PKP2: variants seen among roughly 807,000 people sequenced by gnomAD.
PKP2 encodes plakophilin 2, also known as plakophilin-2.
Under a neutral mutation model 83.4 loss-of-function variants are expected in PKP2, and 73 were observed. The ratio of observed to expected loss-of-function variants is 0.88; its 90% CI spans 0.72 to 1.06. The LOEUF is 1.06. Ranked by LOEUF, PKP2 falls within the 50% of genes least tolerant of loss-of-function variation. The pLI is 0.00. For missense variants in PKP2, 966 were observed against 1,065.4 expected, an observed-to-expected ratio of 0.91 and a Z score of 1.30; for synonymous variants, 409 against 430.4, an observed-to-expected ratio of 0.95 and a Z score of 0.62.
intron 10 of PKP2, among the ~76,000 whole-genome samples, chr12:32,802,195 G>A (rs1479433795): frequency 1.3e-5 from 2 of 148,398 alleles, no homozygotes; most frequent in African/African-American, 5.0e-5. Context: ...TTTTTTAAAT[G>A]TTGGATATTT....
At chr12:32,830,480 T>C (rs967711545) in intron 6 of PKP2, among the ~76,000 whole-genome samples, 2 of 151,876 alleles carry the variant, frequency 1.3e-5, no homozygotes, top group African/African-American at 4.8e-5. Flanking sequence ...CATTGGGAGG[T>C]AGAACAAGGC....
chr12:32,828,802 G>C (rs768229959), intron 6 of PKP2, among the ~76,000 whole-genome samples: 1 of 152,186 alleles, frequency 6.6e-6, no homozygotes, highest in Non-Finnish European at 1.5e-5. Flanking sequence ...AGCTGAAGGA[G>C]ATGGTTAAAG....
At chr12:32,854,126 C>T (rs1287603373) in intron 4 of PKP2, among the ~76,000 whole-genome samples, 1 of 152,106 alleles carries the variant, frequency 6.6e-6, no homozygotes, top group East Asian at 1.9e-4. Flanking sequence ...TTATAAGTTG[C>T]TTTCTTCAAA....
chr12:32,828,016 C>T (rs1255576436), intron 6 of PKP2, among the ~76,000 whole-genome samples: 5 of 152,194 alleles, frequency 3.3e-5, no homozygotes, highest in Non-Finnish European at 7.3e-5. Context: ...AGGAAGGAGA[C>T]AAATTACTCT....
chr12:32,895,482 A>G (rs1957114218), intron 1 of PKP2, among the ~76,000 whole-genome samples: 1 of 152,226 alleles, frequency 6.6e-6, no homozygotes, highest in Non-Finnish European at 1.5e-5. Flanking sequence ...TCATACAGAA[A>G]CAACTGAACG....
In PKP2 at chr12:32,892,822, G is replaced by GGC. The variant is rs1555149540; in HGVS notation, c.223+3686_223+3687insGC. 3.2e-5 allele frequency among the ~76,000 whole-genome samples: 4 copies of GGC among 125,158 alleles called. 1 individual carries two copies. The highest frequency in any genetic ancestry group is 5.3e-5 in the Non-Finnish European group (3 of 56,316). 82.1% of individuals were successfully genotyped at this position (125,158 alleles called of 152,430 possible). On this transcript the variant is annotated intron_variant, in intron 1 of 12. Transcript: ENST00000340811. ...CTCAGATACCTGGGGTGGGGGCGGG[G>GGC]GGGGGGGGAGAACTGTGTAGCAAGT...
Position 32,792,377 on chromosome 12 carries a change from G to T in PKP2, c.*47C>A. ...TGGGCTGGGTAGTAGAAAAATAGGT[G>T]TTTTCCTTTGGGGATTTTTGCAGCC... is the stretch of plus-strand genomic sequence containing the variant. On this transcript the variant is annotated 3_prime_UTR_variant, in exon 13 of 13. Coordinates refer to ENST00000340811, the MANE Select transcript of PKP2 (RefSeq NM_001005242.3). 1 of 1,417,034 alleles carries T rather than the reference G, an allele frequency of 7.1e-7. No homozygotes were observed. Among genetic ancestry groups the T allele is most frequent in the Non-Finnish European group, 1.0e-6 (1 of 1,000,182 alleles). The allele number at this position is 1,417,034 out of a possible 1,614,324, so 87.8% of individuals were successfully genotyped here.
At chr12:32,825,840 C>A (rs1025000956) in intron 6 of PKP2, among the ~76,000 whole-genome samples, 1 of 152,086 alleles carries the variant, frequency 6.6e-6, no homozygotes, top group Non-Finnish European at 1.5e-5. Flanking sequence ...GAGGTTGAGG[C>A]TGCAGTGAGC....
chr12:32,826,230 C>T (rs1000110100), intron 6 of PKP2, among the ~76,000 whole-genome samples: 5 of 145,082 alleles, frequency 3.4e-5, no homozygotes, highest in Non-Finnish European at 7.5e-5. Flanking sequence ...GGTGTGAACT[C>T]GGAAGGTGGA....
chr12:32,839,347 G>A (rs1050370937), intron 6 of PKP2, among the ~76,000 whole-genome samples: 3 of 149,660 alleles, frequency 2.0e-5, no homozygotes, highest in Non-Finnish European at 4.4e-5. Flanking sequence ...CCTGTGATTG[G>A]CACAATCATT....
intron 1 of PKP2, among the ~76,000 whole-genome samples, chr12:32,885,971 A>G (rs1253053046): frequency 6.6e-6 from 1 of 152,208 alleles, no homozygotes; most frequent in African/African-American, 2.4e-5. Context: ...GTGGTTTAAA[A>G]AAAGTGATTT....
At chr12:32,882,748 G>A (rs1046530066) in intron 1 of PKP2, among the ~76,000 whole-genome samples, 10 of 152,078 alleles carry the variant, frequency 6.6e-5, no homozygotes, top group Non-Finnish European at 1.3e-4. Flanking sequence ...TCTGTGATGC[G>A]GAGCCAGCTA....
intron 6 of PKP2, among the ~76,000 whole-genome samples, chr12:32,839,427 C>T (rs1956569659): frequency 2.3e-5 from 3 of 131,796 alleles, no homozygotes; most frequent in Non-Finnish European, 3.1e-5. Flanking sequence ...ATTAAGTTAT[C>T]TGCTCAGTAG....
At chr12:32,845,569 T>C (rs185914833) in intron 5 of PKP2, among the ~76,000 whole-genome samples, 20 of 151,926 alleles carry the variant, frequency 1.3e-4, no homozygotes, top group Non-Finnish European at 2.5e-4. Context: ...TAAATAAAAA[T>C]AATAATAAAA....
chr12:32,830,498 C>G (rs1446788172), intron 6 of PKP2, among the ~76,000 whole-genome samples: 1 of 152,148 alleles, frequency 6.6e-6, no homozygotes, highest in Admixed American at 6.5e-5. Context: ...GGCCCTACAA[C>G]CTACACATCT....
At chr12:32,889,775 CTT>C (rs1957061387) in intron 1 of PKP2, among the ~76,000 whole-genome samples, 1 of 152,080 alleles carries the variant, frequency 6.6e-6, no homozygotes, top group Non-Finnish European at 1.5e-5. Flanking sequence ...TGTAGGCAGA[CTT>C]TTATTAGAAA....
chr12:32,847,186 G>C (rs1956654696), intron 5 of PKP2, among the ~76,000 whole-genome samples: 1 of 152,028 alleles, frequency 6.6e-6, no homozygotes, highest in African/African-American at 2.4e-5. Context: ...ATATAAACAT[G>C]TCTATATTAG....
chr12:32,872,989 T>C (rs1956906778), intron 3 of PKP2, among the ~76,000 whole-genome samples: 1 of 152,044 alleles, frequency 6.6e-6, no homozygotes, highest in Non-Finnish European at 1.5e-5. Flanking sequence ...TATGATCTGT[T>C]TTCTGCTCTG....
intron 9 of PKP2, among the ~76,000 whole-genome samples, chr12:32,814,354 T>C (rs1158766326): frequency 6.6e-6 from 1 of 152,128 alleles, no homozygotes; most frequent in East Asian, 1.9e-4. Flanking sequence ...TTTCATCTCT[T>C]CCATACATCA....
Sources: gnomAD v4.1 joint callset for allele counts (sites outside exome capture counted in the v4.1 genomes callset) on GRCh38, gnomAD v4.1.1 for gene constraint, MANE v1.5 for transcripts, NCBI Gene and HGNC (gene_info 2026-07-23, HGNC 2026-07-21) for gene names.